KIZ: variants seen among roughly 807,000 people sequenced by gnomAD.
The protein encoded by KIZ is kizuna centrosomal protein, also known as centrosomal protein kizuna.
In KIZ, 68 loss-of-function variants were observed where a neutral mutation model predicts 79.6. That is an observed-to-expected ratio of 0.85 (90% CI 0.70 to 1.05). KIZ has a LOEUF of 1.05. Ranked by LOEUF, KIZ falls within the 50% of genes least tolerant of loss-of-function variation. The probability of loss-of-function intolerance (pLI) is 0.00; values close to 1 mark genes in which losing one functional copy is unlikely to be tolerated. For missense variants in KIZ, 797 were observed against 800.4 expected (o/e 1.00, Z 0.05); for synonymous variants, 280 against 281.8 (o/e 0.99, Z 0.06).
intron 3 of KIZ, among the ~76,000 whole-genome samples, chr20:21,141,145 G>A (rs1186687942): frequency 6.6e-6 from 1 of 152,106 alleles, no homozygotes; most frequent in East Asian, 1.9e-4. Flanking sequence ...TGTAGAGGGG[G>A]CCCCAGTTGG....
chr20:21,245,723 G>A (rs2037366372), intron 12 of KIZ: 1 of 152,268 alleles, frequency 6.6e-6, no homozygotes, highest in Non-Finnish European at 1.5e-5. Flanking sequence ...TCTGGCTGCA[G>A]GAGCGTGCTC....
intron 4 of KIZ, among the ~76,000 whole-genome samples, chr20:21,157,892 G>C (rs1278902747): frequency 6.6e-6 from 1 of 152,096 alleles, no homozygotes; most frequent in Non-Finnish European, 1.5e-5. Flanking sequence ...TCATAAACTG[G>C]TCTTGAAAAT....
At chr20:21,135,595 T>A (rs1219738422) in intron 2 of KIZ, among the ~76,000 whole-genome samples, 1 of 152,254 alleles carries the variant, frequency 6.6e-6, no homozygotes, top group African/African-American at 2.4e-5. Context: ...TTTGTCATTT[T>A]AAATTTTATT....
At chr20:21,211,870 C>T (rs960323873) in intron 7 of KIZ, among the ~76,000 whole-genome samples, 1 of 152,222 alleles carries the variant, frequency 6.6e-6, no homozygotes, top group Non-Finnish European at 1.5e-5. Context: ...ACGCAGATCA[C>T]GTGAGGACAG....
intron 6 of KIZ, among the ~76,000 whole-genome samples, chr20:21,193,068 G>C (rs6132406): frequency 0.36 from 55,282 of 151,966 alleles, 10,488 homozygotes; most frequent in African/African-American, 0.47. Context: ...GGAGGGAGGT[G>C]GGGGAGGGAA....
At chr20:21,205,627 G>T in intron 7 of KIZ, 43 bp downstream of exon 7, 1 of 833,402 alleles carries the variant, frequency 1.2e-6, no homozygotes. Flanking sequence ...TCACAAATGT[G>T]GACCACAGGG....
At chr20:21,187,010 G>A (rs546460542) in intron 6 of KIZ, among the ~76,000 whole-genome samples, 268 of 152,018 alleles carry the variant, frequency 1.8e-3, no homozygotes, top group Middle Eastern at 6.8e-3. Context: ...TCCAAAGTCC[G>A]AAATGCTCCA....
chr20:21,152,021 G>C (rs2033146240), intron 4 of KIZ, among the ~76,000 whole-genome samples: 1 of 152,112 alleles, frequency 6.6e-6, no homozygotes, highest in East Asian at 1.9e-4. Context: ...CTCATGATCT[G>C]GGCAGCGTCC....
chr20:21,221,928 G>A (rs1029489669), intron 9 of KIZ, among the ~76,000 whole-genome samples: 2 of 148,846 alleles, frequency 1.3e-5, no homozygotes, highest in African/African-American at 5.0e-5. Flanking sequence ...CTATCCCAAA[G>A]CATTTTCCTG....
intron 1 of KIZ, among the ~76,000 whole-genome samples, chr20:21,128,595 A>G (rs940596573): frequency 1.3e-5 from 2 of 152,206 alleles, no homozygotes; most frequent in Admixed American, 1.3e-4. Context: ...TATCGTCTGA[A>G]TGTTTTCCTA....
At chr20:21,130,962 CT>C in intron 1 of KIZ, among the ~76,000 whole-genome samples, 1 of 152,330 alleles carries the variant, frequency 6.6e-6, no homozygotes, top group Non-Finnish European at 1.5e-5. Context: ...GAGTCCTTAT[CT>C]TTATTTCACA....
chr20:21,161,203 A>G (rs1037400424), intron 4 of KIZ, among the ~76,000 whole-genome samples: 4 of 152,172 alleles, frequency 2.6e-5, no homozygotes, highest in Non-Finnish European at 4.4e-5. Context: ...ATGTAGTTAT[A>G]TGACTTCTTT....
chr20:21,232,877 T>C lies in KIZ; in HGVS notation c.1880+47T>C, dbSNP rs370562379. 9 of 801,380 alleles carry C rather than the reference T, an allele frequency of 1.1e-5. No homozygotes were observed. In the African/African-American group the frequency reaches 1.4e-4, roughly 12 times the overall value. The allele number at this position is 801,380 out of a possible 1,614,324, so 49.6% of individuals were successfully genotyped here. A position where few individuals can be genotyped will look rare whatever the true frequency, so the allele number is the denominator to read the frequency against. Reference sequence around the variant, plus strand: ...TGAATAGCAGCAACAAGATGAGAAATGTCACAGCGCAATGAATTAAACTCT... The same window carrying C: ...TGAATAGCAGCAACAAGATGAGAAACGTCACAGCGCAATGAATTAAACTCT... On this transcript the variant is annotated intron_variant, in intron 11 of 12. Coordinates refer to ENST00000619189, the MANE Select transcript of KIZ (RefSeq NM_018474.6).
At chr20:21,191,623 G>A (rs958033677) in intron 6 of KIZ, among the ~76,000 whole-genome samples, 2 of 152,160 alleles carry the variant, frequency 1.3e-5, no homozygotes, top group Admixed American at 6.5e-5. Flanking sequence ...AGAGGCTAAA[G>A]AAATCGTCAT....
intron 12 of KIZ, chr20:21,245,995 G>T (rs1449473029): frequency 6.5e-6 from 1 of 154,212 alleles, no homozygotes; most frequent in Non-Finnish European, 1.4e-5. Flanking sequence ...TGGTTCCTGG[G>T]ATCACCTCTC....
chr20:21,207,253 T>G (rs1435496113), intron 7 of KIZ, among the ~76,000 whole-genome samples: 1 of 152,196 alleles, frequency 6.6e-6, no homozygotes, highest in Non-Finnish European at 1.5e-5. Flanking sequence ...CCAGAGCACC[T>G]TTAGTCCTCC....
chr20:21,156,292 T>C (rs1370317744), intron 4 of KIZ, among the ~76,000 whole-genome samples: 2 of 152,216 alleles, frequency 1.3e-5, no homozygotes, highest in Non-Finnish European at 2.9e-5. Flanking sequence ...ATTAATGTCT[T>C]CTTTTTTTGC....
chr20:21,170,509 C>G (rs1378724090), intron 6 of KIZ, among the ~76,000 whole-genome samples: 1 of 151,958 alleles, frequency 6.6e-6, no homozygotes, highest in Non-Finnish European at 1.5e-5. Flanking sequence ...CTGCCTCAGC[C>G]TCCCGAGTAG....
intron 6 of KIZ, among the ~76,000 whole-genome samples, chr20:21,182,219 A>G (rs2034682774): frequency 6.6e-6 from 1 of 152,114 alleles, no homozygotes; most frequent in Non-Finnish European, 1.5e-5. Flanking sequence ...TTATAAGAAG[A>G]GACACAAGAG....
Sources: allele counts gnomAD v4.1 joint callset (sites outside exome capture counted in the v4.1 genomes callset), GRCh38; gene constraint gnomAD v4.1.1; transcripts MANE v1.5; gene names NCBI Gene and HGNC (gene_info 2026-07-23, HGNC 2026-07-21).